DERA: variants seen among roughly 807,000 people sequenced by gnomAD.
DERA encodes the protein deoxyribose-phosphate aldolase, also known as 2-deoxy-D-ribose 5-phosphate aldolase.
In DERA, 15 loss-of-function variants were observed where a neutral mutation model predicts 41.1. That is an observed-to-expected ratio of 0.37 (90% CI 0.24 to 0.56). The LOEUF (loss-of-function observed/expected upper bound fraction) is 0.56, where lower values mean the gene tolerates loss of function less well. DERA is among the 20% of genes least tolerant of loss of function. DERA has a pLI of 0.81. For missense variants in DERA, 396 were observed against 403.4 expected (o/e 0.98, Z 0.16); for synonymous variants, 139 against 137.4 (o/e 1.01, Z -0.08).
intron 1 of DERA, among the ~76,000 whole-genome samples, chr12:15,916,637 G>C (rs1304503091): frequency 6.6e-6 from 1 of 152,002 alleles, no homozygotes; most frequent in Non-Finnish European, 1.5e-5. Flanking sequence ...TTTTAGTAGA[G>C]ATGGGGTTTC....
chr12:15,980,187 T>C (rs901816901), intron 5 of DERA, among the ~76,000 whole-genome samples: 9 of 152,254 alleles, frequency 5.9e-5, no homozygotes, highest in African/African-American at 2.2e-4. Context: ...CAAAGTACTT[T>C]GTATATCTCT....
At chr12:16,007,609 A>G (rs554151809) in intron 6 of DERA, among the ~76,000 whole-genome samples, 5 of 152,332 alleles carry the variant, frequency 3.3e-5, no homozygotes, top group East Asian at 1.9e-4. Flanking sequence ...CTGTATGGTC[A>G]ATATAATGAT....
rs1425109343 is a variant in DERA, at chr12:15,943,974, C to G, written c.32-12962C>G. ...ATTCCCACCTATGAGTGAGAACATG[C>G]GGTGTTTGGTTTTTTGTCCTTGTGA... is the stretch of plus-strand genomic sequence containing the variant. On this transcript the variant is annotated intron_variant, in intron 1 of 8. Coordinates refer to ENST00000428559, the MANE Select transcript of DERA (RefSeq NM_015954.4). The surrounding 1 kb of genome is among the most constrained non-coding windows in gnomAD (Gnocchi z 4.5). Among the ~76,000 whole-genome samples the G allele has an allele frequency of 6.8e-6, 1 of 147,624 alleles. No individual in the cohort carries two copies. The highest frequency in any genetic ancestry group is 1.5e-5 in the Non-Finnish European group (1 of 67,304).
rs922104143 is a variant in DERA at position 15,994,825 on chromosome 12, T to C, written c.637+12389T>C. Among the ~76,000 whole-genome samples the C allele has an allele frequency of 6.6e-6, 1 of 152,270 alleles. No individual in the cohort carries two copies. Among genetic ancestry groups the C allele is most frequent in the Non-Finnish European group, 1.5e-5 (1 of 68,052 alleles). On this transcript the variant is annotated intron_variant, in intron 6 of 8. Transcript: ENST00000428559. This position sits in a 1 kb window ranked among gnomAD's most constrained non-coding sequence, Gnocchi z 4.8. ...TCAGTATATTGTACCAGGTAGATGC[T>C]TGATTATGCATATTTATTGAATGAA...
At chr12:16,030,691 A>T (rs750148785) in intron 6 of DERA, among the ~76,000 whole-genome samples, 2 of 152,154 alleles carry the variant, frequency 1.3e-5, no homozygotes, top group African/African-American at 2.4e-5. Context: ...ATTACATTGT[A>T]TTATATTTCT....
Position 16,032,611 on chromosome 12 carries a change from T to G in DERA, c.707T>G (p.Met236Arg). The part of the protein sequence containing the change: ...VNATFPVAIV[M>R]LRAIRDFFWK... ...GCCACCTTCCCGGTAGCTATAGTAA[T>G]GCTGCGGGCCATTAGAGATTTCTTC... Residue 236 changes from methionine (M) to arginine (R), a missense_variant, in exon 7 of 9, where the codon ATG becomes AGG. Transcript: ENST00000428559. 1 of 1,567,962 alleles carries G rather than the reference T, an allele frequency of 6.4e-7. No homozygotes were observed.
In DERA at chr12:15,943,392, C is replaced by T. The variant is rs1592009807; in HGVS notation, c.32-13544C>T. Among the ~76,000 whole-genome samples the T allele has an allele frequency of 6.6e-6, 1 of 152,238 alleles. No homozygotes were observed. Among genetic ancestry groups the T allele is most frequent in the African/African-American group, 2.4e-5 (1 of 41,466 alleles). On this transcript the variant is annotated intron_variant, in intron 1 of 8. Transcript: ENST00000428559. This position sits in a 1 kb window ranked among gnomAD's most constrained non-coding sequence, Gnocchi z 4.5. Reference sequence around the variant, plus strand: ...GCTCTTGCTTGAGCTTCCTACTTGACTTTCGCACCACAGCCAGAGGGGTTA... The same window carrying T: ...GCTCTTGCTTGAGCTTCCTACTTGATTTTCGCACCACAGCCAGAGGGGTTA...
Position 15,998,357 on chromosome 12 carries a change from G to A in DERA, c.637+15921G>A, listed in dbSNP as rs1224826317. Among the ~76,000 whole-genome samples the A allele has an allele frequency of 8.6e-5, 13 of 151,848 alleles. No individual in the cohort carries two copies. The highest frequency in any genetic ancestry group is 1.3e-4 in the Admixed American group (2 of 15,246). On this transcript the variant is annotated intron_variant, in intron 6 of 8. Transcript: ENST00000428559. This position sits in a 1 kb window ranked among gnomAD's most constrained non-coding sequence, Gnocchi z 4.8. ...TTTAGAGACGGAGTCTAGCTGTGTC[G>A]CCCAGGCTAGAGTGCAATGGCCGGA...
At chr12:15,914,533 T>C (rs1948186665) in intron 1 of DERA, among the ~76,000 whole-genome samples, 1 of 152,198 alleles carries the variant, frequency 6.6e-6, no homozygotes. Context: ...TGGCACCTTC[T>C]TCCTCTTTGT....
chr12:15,953,587 A>G (rs1487846962), intron 1 of DERA, among the ~76,000 whole-genome samples: 3 of 152,204 alleles, frequency 2.0e-5, no homozygotes, highest in African/African-American at 4.8e-5. Context: ...TTAAGAGAAG[A>G]TATCATTGCC....
At chr12:15,946,379 G>A (rs1160216784) in intron 1 of DERA, among the ~76,000 whole-genome samples, 1 of 152,140 alleles carries the variant, frequency 6.6e-6, no homozygotes, top group African/African-American at 2.4e-5. Flanking sequence ...TGGTTGGTAA[G>A]GTATTGATTA....
At chr12:15,977,472 G>C (rs1948705369) in intron 5 of DERA, among the ~76,000 whole-genome samples, 1 of 152,096 alleles carries the variant, frequency 6.6e-6, no homozygotes, top group African/African-American at 2.4e-5. Context: ...TCTTTTTTGA[G>C]ATGGAATTTT....
rs1238173296 is a variant in DERA at position 16,020,436 on chromosome 12, C to T, written c.638-12106C>T. Among the ~76,000 whole-genome samples, 1 of 152,164 alleles carries T rather than the reference C, an allele frequency of 6.6e-6. No homozygotes were observed. Among genetic ancestry groups the T allele is most frequent in the Non-Finnish European group, 1.5e-5 (1 of 68,030 alleles). Reference sequence around the variant, plus strand: ...CATTGGGGTGGGGGTTACAATTTGACATGAGATTTGGGCAGAGACACAGAC... The same window carrying T: ...CATTGGGGTGGGGGTTACAATTTGATATGAGATTTGGGCAGAGACACAGAC... On this transcript the variant is annotated intron_variant, in intron 6 of 8. Transcript: ENST00000428559. This position sits in a 1 kb window ranked among gnomAD's most constrained non-coding sequence, Gnocchi z 5.5.
intron 1 of DERA, among the ~76,000 whole-genome samples, chr12:15,947,663 A>G (rs932539306): frequency 2.0e-5 from 3 of 151,974 alleles, no homozygotes; most frequent in East Asian, 1.9e-4. Context: ...TCTTTATCCA[A>G]TTTGCCAGTC....
rs1948565717 is a variant in DERA at position 15,959,310 on chromosome 12, A to G, written c.278-519A>G. Among the ~76,000 whole-genome samples, 3 of 152,208 alleles carry G rather than the reference A, an allele frequency of 2.0e-5. No homozygotes were observed. The South Asian group carries it at 6.2e-4, about 31-fold the overall frequency. On this transcript the variant is annotated intron_variant, in intron 3 of 8. Coordinates refer to ENST00000428559, the MANE Select transcript of DERA (RefSeq NM_015954.4). This position sits in a 1 kb window ranked among gnomAD's most constrained non-coding sequence, Gnocchi z 4.5. ...TTGAATTCTAAATTTTTTAAAATTTATGAACTTATTTCTTAAAATCAGGGC... is the reference window on the plus strand; with the variant it reads ...TTGAATTCTAAATTTTTTAAAATTTGTGAACTTATTTCTTAAAATCAGGGC...
chr12:15,969,683 A>G (rs1323344739), intron 5 of DERA, among the ~76,000 whole-genome samples: 1 of 152,212 alleles, frequency 6.6e-6, no homozygotes, highest in Non-Finnish European at 1.5e-5. Context: ...TCATTTTCTT[A>G]CATGAAGAGA....
At chr12:15,946,501 C>G (rs1008177067) in intron 1 of DERA, among the ~76,000 whole-genome samples, 1 of 151,998 alleles carries the variant, frequency 6.6e-6, no homozygotes, top group African/African-American at 2.4e-5. Context: ...TCTAGATTTT[C>G]TAGTTTATTT....
At chr12:15,933,075 G>T (rs1948340964) in intron 1 of DERA, among the ~76,000 whole-genome samples, 1 of 152,224 alleles carries the variant, frequency 6.6e-6, no homozygotes, top group Non-Finnish European at 1.5e-5. Flanking sequence ...TTCATTGACA[G>T]ACACTGAGGT....
At chr12:15,942,296 A>G (rs999708230) in intron 1 of DERA, among the ~76,000 whole-genome samples, 1 of 150,356 alleles carries the variant, frequency 6.7e-6, no homozygotes, top group Non-Finnish European at 1.5e-5. Context: ...GCGAATATTT[A>G]CTCCCACTCT....
Sources: allele counts gnomAD v4.1 joint callset (sites outside exome capture counted in the v4.1 genomes callset), GRCh38; gene constraint gnomAD v4.1.1; non-coding constraint Gnocchi (gnomAD v3.1); transcripts MANE v1.5; gene names NCBI Gene and HGNC (gene_info 2026-07-23, HGNC 2026-07-21).